Variants in DZANK1 observed in about 807,000 individuals in gnomAD.
DZANK1 encodes the protein double zinc ribbon and ankyrin repeat-containing protein 1.
DZANK1 carries 91 observed loss-of-function variants against 94.5 expected under a neutral mutation model. The ratio of observed to expected loss-of-function variants is 0.96; its 90% CI spans 0.81 to 1.15. The LOEUF (loss-of-function observed/expected upper bound fraction) is 1.15. Among genes scored for constraint, DZANK1 ranks in the 50% most tolerant of loss-of-function variants. The probability of loss-of-function intolerance (pLI) is 0.00; values close to 1 mark genes in which losing one functional copy is unlikely to be tolerated. For synonymous variants in DZANK1, 312 were observed against 325.3 expected, an observed-to-expected ratio of 0.96 and a Z score of 0.44; for missense variants, 903 against 916.4, an observed-to-expected ratio of 0.99 and a Z score of 0.19.
At chr20:18,452,068 G>C (rs1044775261) in intron 6 of DZANK1, 2 of 249,008 alleles carry the variant, frequency 8.0e-6, no homozygotes, top group Middle Eastern at 4.3e-4. Flanking sequence ...TCATTTAGGG[G>C]TGGTTTTTTT....
intron 8 of DZANK1, among the ~76,000 whole-genome samples, chr20:18,435,289 G>A (rs527857639): frequency 6.6e-6 from 1 of 152,170 alleles, no homozygotes; most frequent in Non-Finnish European, 1.5e-5. Context: ...TTAAATATAA[G>A]AGAAAGGAAA....
chr20:18,415,748 T>C (rs1341267836), intron 10 of DZANK1, among the ~76,000 whole-genome samples: 1 of 152,186 alleles, frequency 6.6e-6, no homozygotes, highest in Non-Finnish European at 1.5e-5. Flanking sequence ...CAAGCCCTAC[T>C]GTTGATTTAA....
intron 10 of DZANK1, among the ~76,000 whole-genome samples, chr20:18,424,267 T>G (rs568681851): frequency 6.6e-6 from 1 of 152,204 alleles, no homozygotes; most frequent in Non-Finnish European, 1.5e-5. Context: ...CTGGCCAATA[T>G]GGTGAAACCC....
At chr20:18,451,754 G>T (rs374406967) in intron 6 of DZANK1, 7 of 425,740 alleles carry the variant, frequency 1.6e-5, no homozygotes, top group African/African-American at 8.2e-5. Context: ...GGCAGACTTG[G>T]CTCCTCCCCT....
chr20:18,440,294 G>A (rs1206230896), intron 8 of DZANK1, among the ~76,000 whole-genome samples: 2 of 152,144 alleles, frequency 1.3e-5, no homozygotes, highest in Admixed American at 6.5e-5. Flanking sequence ...TTAAACACAG[G>A]CCACTACTGA....
chr20:18,465,264 A>G (rs1463155551), exon 2 of DZANK1: 2 of 1,595,978 alleles, frequency 1.3e-6, no homozygotes, highest in East Asian at 4.5e-5. Context: ...TTTCATTTCC[A>G]AAAGCGTATT....
At chr20:18,422,355 G>A (rs2057822399) in intron 10 of DZANK1, among the ~76,000 whole-genome samples, 1 of 152,120 alleles carries the variant, frequency 6.6e-6, no homozygotes, top group Non-Finnish European at 1.5e-5. Context: ...GATGGTAGAT[G>A]CATGAATTTA....
chr20:18,430,277 A>T (rs1352481675), intron 9 of DZANK1, among the ~76,000 whole-genome samples: 1 of 152,158 alleles, frequency 6.6e-6, no homozygotes, highest in Non-Finnish European at 1.5e-5. Context: ...TCACGGTGTG[A>T]GAGGCTGGGA....
intron 3 of DZANK1, among the ~76,000 whole-genome samples, chr20:18,459,409 G>C (rs73900415): frequency 2.0e-5 from 3 of 152,130 alleles, no homozygotes; most frequent in Admixed American, 1.3e-4. Context: ...TCAGTCAGTG[G>C]GGGGTGGGGC....
In DZANK1 at chr20:18,441,758, C is replaced by CTAGA. The variant is rs1157612190; in HGVS notation, c.747+1588_747+1589insTCTA. Among the ~76,000 whole-genome samples the CTAGA allele has an allele frequency of 6.6e-6, 1 of 152,202 alleles. No homozygotes were observed. Among genetic ancestry groups the CTAGA allele is most frequent in the Non-Finnish European group, 1.5e-5 (1 of 68,038 alleles). ...CATTAGGAATTCCTCATCTAGGGAACTGGCAGAACATGTTGGGAAGTCAGA... is the reference window on the plus strand; with the variant it reads ...CATTAGGAATTCCTCATCTAGGGAACTAGATGGCAGAACATGTTGGGAAGTCAGA... On this transcript the variant is annotated intron_variant, in intron 8 of 20. Transcript: ENST00000262547. The surrounding 1 kb of genome is among the most constrained non-coding windows in gnomAD (Gnocchi z 4.1).
chr20:18,418,987 C>G (rs1174392664), intron 10 of DZANK1, among the ~76,000 whole-genome samples: 1 of 152,034 alleles, frequency 6.6e-6, no homozygotes, highest in East Asian at 1.9e-4. Flanking sequence ...ACAGGACTGG[C>G]GCGGTGGCTC....
exon 11 of DZANK1, chr20:18,415,414 G>A (rs372956678): frequency 5.0e-6 from 8 of 1,585,828 alleles, no homozygotes; most frequent in Non-Finnish European, 6.9e-6. Flanking sequence ...CTTTCTGAGT[G>A]GGCGGAGGAG....
chr20:18,384,592 G>A (rs1387062331), intron 20 of DZANK1, 28 bp from the exon 21 acceptor site: 26 of 1,561,620 alleles, frequency 1.7e-5, no homozygotes, highest in Non-Finnish European at 2.2e-5. Context: ...AAACGGAGGT[G>A]CACTGAAGGA....
At chr20:18,409,579 CA>C (rs770343278) in intron 13 of DZANK1, among the ~76,000 whole-genome samples, 3 of 120,538 alleles carry the variant, frequency 2.5e-5, no homozygotes, top group Middle Eastern at 4.7e-3. Flanking sequence ...CACACACACA[CA>C]CACCACCACC....
chr20:18,450,097 T>C lies in DZANK1; in HGVS notation c.544-1028A>G, dbSNP rs1247845761. ...CGTCTCAAATAAATAAATAAATAAATAAATAAATAAATAAACAAACAAACA... is the reference window on the plus strand; with the variant it reads ...CGTCTCAAATAAATAAATAAATAAACAAATAAATAAATAAACAAACAAACA... On this transcript the variant is annotated intron_variant, in intron 6 of 20. Coordinates refer to ENST00000262547, the Ensembl canonical transcript of DZANK1. Among the ~76,000 whole-genome samples the C allele has an allele frequency of 1.2e-3, 163 of 135,068 alleles. 1 individual carries two copies. Among genetic ancestry groups the C allele is most frequent in the South Asian group, 4.6e-3 (18 of 3,886 alleles). The allele number at this position is 135,068 out of a possible 152,430, so 88.6% of individuals were successfully genotyped here. A position where few individuals can be genotyped will look rare whatever the true frequency, so the allele number is the denominator to read the frequency against.
exon 7 of DZANK1, chr20:18,449,022 C>T (rs1053594238): frequency 1.1e-5 from 18 of 1,613,732 alleles, no homozygotes; most frequent in Admixed American, 1.7e-5. Context: ...TCATTATCTC[C>T]GTGCTTGTCA....
chr20:18,460,512 G>A (rs959951690), intron 2 of DZANK1, among the ~76,000 whole-genome samples: 4 of 152,086 alleles, frequency 2.6e-5, no homozygotes, highest in African/African-American at 9.7e-5. Flanking sequence ...GGCGGATCAC[G>A]AGGTCAGGAG....
At chr20:18,394,218 C>A (rs1453889037) in intron 16 of DZANK1, 36 bp downstream of exon 16, 4 of 1,576,084 alleles carry the variant, frequency 2.5e-6, no homozygotes, top group South Asian at 2.3e-5. Context: ...TGTTCCTGGT[C>A]AGTTGTTTTA....
At chr20:18,404,071 G>A (rs1034973700) in intron 13 of DZANK1, among the ~76,000 whole-genome samples, 9 of 151,950 alleles carry the variant, frequency 5.9e-5, no homozygotes, top group Middle Eastern at 6.3e-3. Context: ...GATTACAGGC[G>A]TGAGCCACCG....
Sources: allele counts gnomAD v4.1 joint callset (sites outside exome capture counted in the v4.1 genomes callset), GRCh38; gene constraint gnomAD v4.1.1; non-coding constraint Gnocchi (gnomAD v3.1); transcripts MANE v1.5; gene names NCBI Gene and HGNC (gene_info 2026-07-23, HGNC 2026-07-21).